RPA2: variants seen among roughly 807,000 people sequenced by gnomAD.
RPA2 encodes the protein replication protein A 32 kDa subunit.
In RPA2, 22 loss-of-function variants were observed where a neutral mutation model predicts 33.4. That is an observed-to-expected ratio of 0.66 (90% CI 0.47 to 0.94). The LOEUF (loss-of-function observed/expected upper bound fraction) is 0.94, where lower values mean the gene tolerates loss of function less well. RPA2 is among the 40% of genes least tolerant of loss of function. The pLI is 0.00. For missense variants in RPA2, 279 were observed against 329.9 expected (o/e 0.85, Z 1.19); for synonymous variants, 109 against 114.9 (o/e 0.95, Z 0.33).
intron 4 of RPA2, among the ~76,000 whole-genome samples, chr1:27,898,344 CTG>C (rs1464319137): frequency 1.3e-5 from 2 of 152,248 alleles, no homozygotes; most frequent in East Asian, 3.9e-4. Flanking sequence ...ATACTCCACA[CTG>C]TTGCAAATGA....
At position 27,892,112 on chromosome 1, in the gene RPA2, T is replaced by C; in HGVS notation, c.*51A>G. ...ATATGCAGAGCTGGAGACAACAGAT[T>C]GTGAAACTAGGTCCAGCTGTAAAAT... On this transcript the variant is annotated 3_prime_UTR_variant, in exon 9 of 9. Coordinates refer to ENST00000373912, the MANE Select transcript of RPA2 (RefSeq NM_002946.5). The C allele has an allele frequency of 1.3e-6, 2 of 1,481,528 alleles. No individual in the cohort carries two copies. The highest frequency in any genetic ancestry group is 1.9e-6 in the Non-Finnish European group (2 of 1,061,804). The allele number at this position is 1,481,528 out of a possible 1,614,324, so 91.8% of individuals were successfully genotyped here.
chr1:27,896,884 G>C (rs2089899093), intron 6 of RPA2, 121 bp downstream of exon 6: 1 of 652,560 alleles, frequency 1.5e-6, no homozygotes, highest in South Asian at 2.0e-5. Flanking sequence ...GTGTTCTGAG[G>C]ACTTAGTGAT....
rs2089830128 is a variant in RPA2, at chr1:27,892,058, C to G, written c.*105G>C. On this transcript the variant is annotated 3_prime_UTR_variant, in exon 9 of 9. Transcript: ENST00000373912. ...CAGAGGAGACATTTGATAGATGAAACCTACTTCCTAGAAGCCCCCTGGCCA... is the reference window on the plus strand; with the variant it reads ...CAGAGGAGACATTTGATAGATGAAAGCTACTTCCTAGAAGCCCCCTGGCCA... The G allele has an allele frequency of 1.3e-5, 10 of 792,424 alleles. No individual in the cohort carries two copies. In the South Asian group the frequency reaches 1.7e-4, roughly 13 times the overall value. 49.1% of individuals were successfully genotyped at this position (792,424 alleles called of 1,614,324 possible).
chr1:27,893,797 G>A (rs1320137798), intron 8 of RPA2, among the ~76,000 whole-genome samples: 9 of 151,220 alleles, frequency 6.0e-5, no homozygotes, highest in African/African-American at 1.2e-4. Flanking sequence ...TAGTAGAAAC[G>A]GGGTTTTCAC....
intron 8 of RPA2, among the ~76,000 whole-genome samples, chr1:27,892,639 G>A (rs761022888): frequency 2.6e-4 from 39 of 152,244 alleles, no homozygotes; most frequent in Admixed American, 6.5e-4. Flanking sequence ...CTGAAACCCC[G>A]TTGGTCCCTC....
At chr1:27,901,994 C>T (rs77318702) in intron 4 of RPA2, among the ~76,000 whole-genome samples, 2,117 of 145,606 alleles carry the variant, frequency 0.015, 45 homozygotes, top group African/African-American at 0.052. Flanking sequence ...ACAAAAACCC[C>T]ACAAATTGAC....
At chr1:27,913,389 G>A (rs1294452777) in intron 2 of RPA2, among the ~76,000 whole-genome samples, 1 of 150,960 alleles carries the variant, frequency 6.6e-6, no homozygotes, top group East Asian at 2.0e-4. Flanking sequence ...GGGAGTTGGA[G>A]ACCAGCCTGA....
chr1:27,914,572 G>A lies in RPA2; in HGVS notation c.-129C>T, dbSNP rs17185052. On this transcript the variant is annotated 5_prime_UTR_variant, in exon 1 of 9. Transcript: ENST00000373912. ...TCTGGCACCACAAACGCCTTCCCGC[G>A]AATGGCGGAGCCAGTCAGCTCCCGG... 0.059 allele frequency: 94,969 copies of A among 1,611,936 alleles called. 3,189 individuals are homozygous for A. Among genetic ancestry groups the A allele is most frequent in the Middle Eastern group, 0.086 (520 of 6,032 alleles).
chr1:27,914,520 G>C lies in RPA2; in HGVS notation c.-77C>G. 1 of 1,599,514 alleles carries C rather than the reference G, an allele frequency of 6.3e-7. No individual in the cohort carries two copies. On this transcript the variant is annotated 5_prime_UTR_variant, in exon 1 of 9. Coordinates refer to ENST00000373912, the MANE Select transcript of RPA2 (RefSeq NM_002946.5). ...TAGCGGAAAACCACAGAACGCGGCCGCCACTGCGCCGCTCTGGCTACTTTT... is the reference window on the plus strand; with the variant it reads ...TAGCGGAAAACCACAGAACGCGGCCCCCACTGCGCCGCTCTGGCTACTTTT...
chr1:27,902,333 T>C (rs142315621), intron 4 of RPA2, among the ~76,000 whole-genome samples: 277 of 150,170 alleles, frequency 1.8e-3, no homozygotes, highest in African/African-American at 6.5e-3. Flanking sequence ...CAGGCTGGAG[T>C]GCACTGGTGT....
intron 2 of RPA2, among the ~76,000 whole-genome samples, chr1:27,910,889 C>T (rs2090088139): frequency 1.3e-5 from 2 of 151,966 alleles, no homozygotes; most frequent in African/African-American, 4.8e-5. Context: ...AGGGCGTTTA[C>T]CTAACTTTTA....
intron 2 of RPA2, among the ~76,000 whole-genome samples, chr1:27,909,199 C>T (rs1355986667): frequency 6.6e-6 from 1 of 152,196 alleles, no homozygotes. Flanking sequence ...ACCTGTACTA[C>T]ATGGAAGACT....
chr1:27,894,258 T>C, intron 7 of RPA2, 32 bp downstream of exon 7: 1 of 1,592,044 alleles, frequency 6.3e-7, no homozygotes, highest in Non-Finnish European at 8.6e-7. Flanking sequence ...ATCTGTGTTT[T>C]GTATTTCTGA....
chr1:27,907,605 A>G (rs937588822), intron 2 of RPA2, among the ~76,000 whole-genome samples: 1 of 152,216 alleles, frequency 6.6e-6, no homozygotes, highest in Non-Finnish European at 1.5e-5. Flanking sequence ...CAGACCTTCA[A>G]GAGGAAACCC....
intron 2 of RPA2, among the ~76,000 whole-genome samples, chr1:27,910,975 G>C (rs1435644648): frequency 5.9e-5 from 9 of 152,064 alleles, no homozygotes; most frequent in African/African-American, 2.2e-4. Flanking sequence ...CAACACTTTG[G>C]GAGGCCAAGA....
In RPA2 at chr1:27,914,123, G is replaced by C. The variant is rs2148664145; in HGVS notation, c.57C>G (p.Gly19=). 6.2e-7 allele frequency: 1 copy of C among 1,612,278 alleles called. No homozygotes were observed. Among genetic ancestry groups the C allele is most frequent in the Non-Finnish European group, 8.5e-7 (1 of 1,179,510 alleles). The change falls in exon 2 of 9, where the codon GGC becomes GGG. Residue 19 remains glycine, a synonymous_variant. Coordinates refer to ENST00000373912, the MANE Select transcript of RPA2 (RefSeq NM_002946.5). The part of the protein sequence containing the change: ...YGSSSYGGAG[G]YTQSPGGFGS... ...CAAAGCCCCCCGGGGACTGCGTGTA[G>C]CCGCCGGCTCCCCCGTATGAGGAGC...
chr1:27,913,330 T>C (rs1415448538), intron 2 of RPA2, among the ~76,000 whole-genome samples: 1 of 150,628 alleles, frequency 6.6e-6, no homozygotes, highest in Admixed American at 6.6e-5. Flanking sequence ...GGCTCACGCC[T>C]GTAATCCCAA....
At chr1:27,902,868 T>C (rs912736921) in intron 4 of RPA2, among the ~76,000 whole-genome samples, 4 of 152,040 alleles carry the variant, frequency 2.6e-5, no homozygotes, top group Non-Finnish European at 5.9e-5. Flanking sequence ...AAAACTAAGA[T>C]GTTAAAAAAA....
At position 27,892,027 on chromosome 1, in the gene RPA2, G is replaced by C. The variant is rs559404132; in HGVS notation, c.*136C>G. Reference sequence around the variant, plus strand: ...AACAGAAGAGCAGTAAGTTTCAAAAGGAAGTCAGAGGAGACATTTGATAGA... The same window carrying C: ...AACAGAAGAGCAGTAAGTTTCAAAACGAAGTCAGAGGAGACATTTGATAGA... On this transcript the variant is annotated 3_prime_UTR_variant, in exon 9 of 9. Coordinates refer to ENST00000373912, the MANE Select transcript of RPA2 (RefSeq NM_002946.5). 125 of 616,336 alleles carry C rather than the reference G, an allele frequency of 2.0e-4. No individual in the cohort carries two copies. The African/African-American group carries it at 2.1e-3, about 10-fold the overall frequency. The allele number at this position is 616,336 out of a possible 1,614,324, so 38.2% of individuals were successfully genotyped here. A position where few individuals can be genotyped will look rare whatever the true frequency, so the allele number is the denominator to read the frequency against.
Sources: gnomAD v4.1 joint callset for allele counts (sites outside exome capture counted in the v4.1 genomes callset) on GRCh38, gnomAD v4.1.1 for gene constraint, MANE v1.5 for transcripts, NCBI Gene and HGNC (gene_info 2026-07-23, HGNC 2026-07-21) for gene names.